Variants in CTNNA3 observed in about 807,000 individuals in gnomAD.
CTNNA3 encodes catenin alpha-3.
Under a neutral mutation model 95.7 loss-of-function variants are expected in CTNNA3, and 76 were observed. That is an observed-to-expected ratio of 0.79 (90% CI 0.66 to 0.96). The LOEUF is 0.96. Among genes scored for constraint, CTNNA3 ranks in the 40% least tolerant of loss-of-function variants. The probability of loss-of-function intolerance (pLI) is 0.00; values close to 1 mark genes in which losing one functional copy is unlikely to be tolerated. For missense variants in CTNNA3, 1,191 were observed against 1,089.8 expected, an observed-to-expected ratio of 1.09 and a Z score of -1.31; for synonymous variants, 431 against 374.4, an observed-to-expected ratio of 1.15 and a Z score of -1.74.
intron 1 of CTNNA3, among the ~76,000 whole-genome samples, chr10:67,740,165 G>C (rs1045093837): frequency 2.0e-5 from 3 of 152,130 alleles, no homozygotes; most frequent in Non-Finnish European, 4.4e-5. Context: ...ATTCAAGATG[G>C]ATTAAAGACT....
intron 9 of CTNNA3, among the ~76,000 whole-genome samples, chr10:66,763,492 C>T (rs889643168): frequency 3.3e-5 from 5 of 151,628 alleles, no homozygotes; most frequent in Admixed American, 1.3e-4. Flanking sequence ...AAAATTGTTA[C>T]ATCATAGAAT....
intron 5 of CTNNA3, among the ~76,000 whole-genome samples, chr10:67,500,266 C>T (rs1839186425): frequency 6.6e-6 from 1 of 152,182 alleles, no homozygotes; most frequent in South Asian, 2.1e-4. Context: ...AACCTGAGTT[C>T]TAATTTGATT....
chr10:66,500,813 G>A (rs1246396082), intron 11 of CTNNA3, among the ~76,000 whole-genome samples: 2 of 152,178 alleles, frequency 1.3e-5, no homozygotes, highest in African/African-American at 4.8e-5. Context: ...AGTCTCTGAA[G>A]TTGATTAAAT....
At chr10:66,775,215 A>G (rs1296874519) in intron 8 of CTNNA3, among the ~76,000 whole-genome samples, 1 of 152,198 alleles carries the variant, frequency 6.6e-6, no homozygotes, top group Non-Finnish European at 1.5e-5. Flanking sequence ...CAGAACCAGA[A>G]TTTGAATGTA....
At chr10:66,088,734 A>G (rs964938559) in intron 14 of CTNNA3, among the ~76,000 whole-genome samples, 4 of 152,082 alleles carry the variant, frequency 2.6e-5, no homozygotes, top group Non-Finnish European at 5.9e-5. Flanking sequence ...GATATTAACA[A>G]TCTTTTCATG....
At chr10:67,474,989 CTT>C (rs572148487) in intron 5 of CTNNA3, among the ~76,000 whole-genome samples, 15 of 152,136 alleles carry the variant, frequency 9.9e-5, no homozygotes, top group Non-Finnish European at 2.9e-5. Context: ...TTTATGGCAG[CTT>C]TTTTCATCAT....
intron 5 of CTNNA3, among the ~76,000 whole-genome samples, chr10:67,223,754 T>C (rs903921792): frequency 1.3e-5 from 2 of 152,344 alleles, no homozygotes; most frequent in East Asian, 1.9e-4. Flanking sequence ...GCCTCTCCTA[T>C]GCTGAGCCTC....
chr10:67,581,686 T>G (rs1006385681), intron 3 of CTNNA3, among the ~76,000 whole-genome samples: 5 of 152,206 alleles, frequency 3.3e-5, no homozygotes, highest in African/African-American at 1.2e-4. Context: ...ATCTGCCTGG[T>G]CCTGGACTTT....
At chr10:65,948,013 T>C (rs111805167) in intron 17 of CTNNA3, among the ~76,000 whole-genome samples, 9,303 of 152,212 alleles carry the variant, frequency 0.061, 592 homozygotes, top group African/African-American at 0.17. Context: ...CGCGGTGGCT[T>C]ACGCCTGTAA....
intron 16 of CTNNA3, among the ~76,000 whole-genome samples, chr10:65,970,436 G>A (rs967327064): frequency 6.6e-6 from 1 of 151,846 alleles, no homozygotes; most frequent in Non-Finnish European, 1.5e-5. Flanking sequence ...TATTATCCTT[G>A]AATGTGAATA....
At chr10:67,569,851 T>C (rs1165409309) in intron 3 of CTNNA3, among the ~76,000 whole-genome samples, 3 of 152,122 alleles carry the variant, frequency 2.0e-5, no homozygotes, top group African/African-American at 7.2e-5. Flanking sequence ...AACTAATCTT[T>C]CCAATCATTA....
intron 7 of CTNNA3, among the ~76,000 whole-genome samples, chr10:66,836,475 A>C (rs1842891383): frequency 6.6e-6 from 1 of 152,160 alleles, no homozygotes; most frequent in African/African-American, 2.4e-5. Context: ...TCCAACACTC[A>C]GAACTTGATT....
At chr10:66,030,320 A>G (rs1176200138) in intron 15 of CTNNA3, among the ~76,000 whole-genome samples, 1 of 152,192 alleles carries the variant, frequency 6.6e-6, no homozygotes, top group Non-Finnish European at 1.5e-5. Context: ...ACTTTATACT[A>G]CAAGGCTACA....
chr10:66,223,145 C>A (rs2089062789), intron 13 of CTNNA3, among the ~76,000 whole-genome samples: 1 of 151,932 alleles, frequency 6.6e-6, no homozygotes, highest in African/African-American at 2.4e-5. Flanking sequence ...TGAAATGCAT[C>A]TTTTGGACAA....
At chr10:67,173,413 C>T (rs1862100359) in intron 7 of CTNNA3, among the ~76,000 whole-genome samples, 1 of 152,136 alleles carries the variant, frequency 6.6e-6, no homozygotes, top group Non-Finnish European at 1.5e-5. Context: ...AAGGCCATCC[C>T]AGCTCCAACA....
chr10:67,510,245 G>C (rs2133126802), intron 5 of CTNNA3, among the ~76,000 whole-genome samples: 1 of 152,228 alleles, frequency 6.6e-6, no homozygotes, highest in Middle Eastern at 3.4e-3. Flanking sequence ...GGGTGTTTGG[G>C]TAATGAAGTC....
At chr10:67,151,860 T>A (rs888211962) in intron 7 of CTNNA3, among the ~76,000 whole-genome samples, 3 of 152,218 alleles carry the variant, frequency 2.0e-5, no homozygotes, top group African/African-American at 4.8e-5. Flanking sequence ...TAAAAACTCT[T>A]GTTCTTATAG....
chr10:67,380,420 G>A (rs1843897418), intron 5 of CTNNA3, among the ~76,000 whole-genome samples: 1 of 152,166 alleles, frequency 6.6e-6, no homozygotes, highest in Non-Finnish European at 1.5e-5. Context: ...AATCTTCCAA[G>A]AGGCATAGGT....
intron 15 of CTNNA3, among the ~76,000 whole-genome samples, chr10:65,989,948 A>C (rs2078505965): frequency 6.6e-6 from 1 of 152,226 alleles, no homozygotes; most frequent in Non-Finnish European, 1.5e-5. Context: ...TAGCTCTCAC[A>C]TATGGAGGAG....
Sources: allele counts gnomAD v4.1 joint callset (sites outside exome capture counted in the v4.1 genomes callset), GRCh38; gene constraint gnomAD v4.1.1; transcripts MANE v1.5; gene names NCBI Gene and HGNC (gene_info 2026-07-23, HGNC 2026-07-21).